RPTOR: variants seen among roughly 807,000 people sequenced by gnomAD.
RPTOR encodes the protein regulatory-associated protein of mTOR.
A neutral mutation model predicts 169.9 loss-of-function variants in RPTOR; 21 were observed. That is an observed-to-expected ratio of 0.12 (90% CI 0.09 to 0.18). The LOEUF is 0.18. RPTOR is among the 10% of genes least tolerant of loss of function. The pLI, the probability that RPTOR is intolerant of heterozygous loss-of-function variation, is 1.00. For missense variants in RPTOR, 1,133 were observed against 1,855.9 expected, an observed-to-expected ratio of 0.61 and a Z score of 7.16; for synonymous variants, 732 against 753.2, an observed-to-expected ratio of 0.97 and a Z score of 0.46.
intron 6 of RPTOR, among the ~76,000 whole-genome samples, chr17:80,789,854 G>T (rs916332140): frequency 1.3e-5 from 2 of 152,048 alleles, no homozygotes; most frequent in Non-Finnish European, 2.9e-5. Context: ...TTAATATTTT[G>T]TCCAGAGCTT....
chr17:80,914,301 A>G (rs1598397921), intron 21 of RPTOR, among the ~76,000 whole-genome samples: 1 of 152,210 alleles, frequency 6.6e-6, no homozygotes, highest in Non-Finnish European at 1.5e-5. Context: ...ACAGCCACCC[A>G]GCCACAACTC....
Position 80,949,480 on chromosome 17 carries a change from T to C in RPTOR, c.3303T>C (p.Asp1101=), listed in dbSNP as rs1412271775. ...GAIRVWKNFA[D]LEKNPEMVTA... is the part of the protein sequence containing the mutation. ...TCAGGGTCTGGAAGAATTTTGCTGA[T>C]TTGGAAAAGAACCCAGAGATGGTGA... The change falls in exon 28 of 34, where the codon GAT becomes GAC. Residue 1101 remains aspartate, a synonymous_variant. Transcript: ENST00000306801. 1.2e-6 allele frequency: 2 copies of C among 1,614,122 alleles called. No individual in the cohort carries two copies. The highest frequency in any genetic ancestry group is 2.2e-5 in the East Asian group (1 of 44,876).
At chr17:80,747,855 G>A (rs572495317) in intron 5 of RPTOR, among the ~76,000 whole-genome samples, 224 of 152,386 alleles carry the variant, frequency 1.5e-3, no homozygotes, top group African/African-American at 5.0e-3. Context: ...TGGAAGAAAG[G>A]TGGGTTGGTA....
intron 24 of RPTOR, among the ~76,000 whole-genome samples, chr17:80,928,427 A>G (rs2068837802): frequency 6.6e-6 from 1 of 152,250 alleles, no homozygotes; most frequent in South Asian, 2.1e-4. Context: ...AAAAAAGAAC[A>G]GAAGAACTGC....
intron 1 of RPTOR, among the ~76,000 whole-genome samples, chr17:80,610,909 A>C (rs2065265678): frequency 6.6e-6 from 1 of 152,204 alleles, no homozygotes; most frequent in Non-Finnish European, 1.5e-5. Context: ...CTGCTTTTCC[A>C]ACTGAATTTT....
intron 1 of RPTOR, among the ~76,000 whole-genome samples, chr17:80,585,484 G>A (rs776104182): frequency 2.6e-5 from 4 of 151,942 alleles, no homozygotes; most frequent in African/African-American, 4.8e-5. Flanking sequence ...GATTACAGGC[G>A]TGAGCCACCG....
At chr17:80,689,621 A>G (rs1270887427) in intron 3 of RPTOR, among the ~76,000 whole-genome samples, 6 of 152,254 alleles carry the variant, frequency 3.9e-5, no homozygotes, top group Non-Finnish European at 8.8e-5. Flanking sequence ...AAAGTCAGAA[A>G]GCTAATTGGA....
chr17:80,831,761 G>A (rs552889779), intron 9 of RPTOR, among the ~76,000 whole-genome samples: 1 of 152,238 alleles, frequency 6.6e-6, no homozygotes, highest in South Asian at 2.1e-4. Context: ...GTATCACTAT[G>A]TATCCCTGTG....
intron 3 of RPTOR, among the ~76,000 whole-genome samples, chr17:80,645,622 A>T (rs750574729): frequency 7.9e-5 from 12 of 152,184 alleles, no homozygotes; most frequent in Non-Finnish European, 1.8e-4. Context: ...CGCTTGGTAG[A>T]TATCAGCTAG....
intron 17 of RPTOR, among the ~76,000 whole-genome samples, chr17:80,888,420 G>A (rs4969284): frequency 0.38 from 58,011 of 152,156 alleles, 11,880 homozygotes; most frequent in South Asian, 0.47. Context: ...CGGGCCTGCT[G>A]TGGTCACAGG....
chr17:80,891,589 C>T (rs2068324720), intron 17 of RPTOR, 131 bp from the exon 18 acceptor site: 1 of 684,150 alleles, frequency 1.5e-6, no homozygotes, highest in Non-Finnish European at 2.6e-6. Flanking sequence ...GGGATGGTCC[C>T]TGTTTCTGAT....
rs114808999 is a variant in RPTOR, at chr17:80,584,868, T to A, written c.162+39077T>A. Among the ~76,000 whole-genome samples the A allele has an allele frequency of 3.3e-3, 509 of 152,356 alleles. 3 individuals are homozygous for A. The highest frequency in any genetic ancestry group is 0.011 in the African/African-American group (476 of 41,574). ...TATGAGGCTTTATTAAAATAAATGATCTTGGATGTGTTGGGTATTCACTGG... is the reference window on the plus strand; with the variant it reads ...TATGAGGCTTTATTAAAATAAATGAACTTGGATGTGTTGGGTATTCACTGG... On this transcript the variant is annotated intron_variant, in intron 1 of 33. Coordinates refer to ENST00000306801, the MANE Select transcript of RPTOR (RefSeq NM_020761.3).
intron 5 of RPTOR, among the ~76,000 whole-genome samples, chr17:80,735,613 T>A (rs867854979): frequency 2.6e-5 from 4 of 152,158 alleles, no homozygotes; most frequent in Non-Finnish European, 4.4e-5. Context: ...AAGACGGCAG[T>A]CAAGCCCGGA....
chr17:80,745,728 A>C (rs2066566294), intron 5 of RPTOR, among the ~76,000 whole-genome samples: 1 of 152,248 alleles, frequency 6.6e-6, no homozygotes, highest in South Asian at 2.1e-4. Flanking sequence ...CAGAGCTAAA[A>C]GTGTTACCGA....
chr17:80,617,083 C>A (rs868829307), intron 1 of RPTOR, among the ~76,000 whole-genome samples: 1 of 152,238 alleles, frequency 6.6e-6, no homozygotes, highest in South Asian at 2.1e-4. Flanking sequence ...TTCTGCCCCC[C>A]CATGCTTATA....
intron 6 of RPTOR, among the ~76,000 whole-genome samples, chr17:80,771,364 T>C (rs2143414504): frequency 6.6e-6 from 1 of 152,296 alleles, no homozygotes; most frequent in African/African-American, 2.4e-5. Flanking sequence ...TACACCTGCA[T>C]AAACCTCTCA....
At chr17:80,793,346 T>G (rs1249201058) in intron 7 of RPTOR, among the ~76,000 whole-genome samples, 1 of 152,262 alleles carries the variant, frequency 6.6e-6, no homozygotes, top group African/African-American at 2.4e-5. Context: ...TCTAATTTCT[T>G]AAATAAACCA....
At chr17:80,955,991 T>C (rs1313639601) in intron 28 of RPTOR, among the ~76,000 whole-genome samples, 2 of 152,222 alleles carry the variant, frequency 1.3e-5, no homozygotes, top group African/African-American at 4.8e-5. Flanking sequence ...TTGGGCCAGA[T>C]AAATCCTCAA....
chr17:80,884,942 G>A, intron 16 of RPTOR, 66 bp from the exon 17 acceptor site: 1 of 1,549,454 alleles, frequency 6.5e-7, no homozygotes, highest in Non-Finnish European at 8.7e-7. Flanking sequence ...ACACAGCCCT[G>A]GCAGAAAGGC....
Sources: gnomAD v4.1 joint callset for allele counts (sites outside exome capture counted in the v4.1 genomes callset) on GRCh38, gnomAD v4.1.1 for gene constraint, MANE v1.5 for transcripts, NCBI Gene and HGNC (gene_info 2026-07-23, HGNC 2026-07-21) for gene names.